CHCHD6: variants seen among roughly 807,000 people sequenced by gnomAD.
CHCHD6 encodes the protein coiled-coil-helix-coiled-coil-helix domain containing 6.
CHCHD6 carries 28 observed loss-of-function variants against 32.3 expected under a neutral mutation model. The observed-to-expected ratio is 0.87, with a 90% CI of 0.64 to 1.19. The LOEUF (loss-of-function observed/expected upper bound fraction) is 1.19, where lower values mean the gene tolerates loss of function less well. Among genes scored for constraint, CHCHD6 ranks in the 50% most tolerant of loss-of-function variants. The probability of loss-of-function intolerance (pLI) is 0.00; values close to 1 mark genes in which losing one functional copy is unlikely to be tolerated. For synonymous variants in CHCHD6, 122 were observed against 117.5 expected, an observed-to-expected ratio of 1.04 and a Z score of -0.25; for missense variants, 333 against 307.0, an observed-to-expected ratio of 1.08 and a Z score of -0.63.
chr3:126,911,147 A>C (rs1329854219), intron 5 of CHCHD6, among the ~76,000 whole-genome samples: 1 of 152,180 alleles, frequency 6.6e-6, no homozygotes, highest in Admixed American at 6.5e-5. Flanking sequence ...CTGTCCTTTC[A>C]GGTGCCCCAC....
intron 4 of CHCHD6, among the ~76,000 whole-genome samples, chr3:126,832,943 A>G (rs936081504): frequency 6.6e-6 from 1 of 152,200 alleles, no homozygotes. Context: ...TTGCCTTCAC[A>G]GTCATCACTT....
At chr3:126,889,774 A>G (rs1156249813) in intron 5 of CHCHD6, among the ~76,000 whole-genome samples, 1 of 152,128 alleles carries the variant, frequency 6.6e-6, no homozygotes, top group Non-Finnish European at 1.5e-5. Flanking sequence ...GAGTGTCAGG[A>G]ATATCATTTA....
rs116718264 is a variant in CHCHD6 at position 126,906,430 on chromosome 3, G to A, written c.496-8250G>A. ...AGTGGCTCCCTACCAACTCTGGAACGGGCTCTGCGGCTTGAGGCCCAACCC... is the reference window on the plus strand; with the variant it reads ...AGTGGCTCCCTACCAACTCTGGAACAGGCTCTGCGGCTTGAGGCCCAACCC... On this transcript the variant is annotated intron_variant, in intron 5 of 7. Transcript: ENST00000290913. 9.8e-3 allele frequency among the ~76,000 whole-genome samples: 1,491 copies of A among 152,316 alleles called. 27 individuals carry two copies. Among genetic ancestry groups the A allele is most frequent in the African/African-American group, 0.034 (1,402 of 41,552 alleles).
At chr3:126,922,498 C>T (rs751916548) in intron 6 of CHCHD6, among the ~76,000 whole-genome samples, 1 of 152,220 alleles carries the variant, frequency 6.6e-6, no homozygotes, top group Non-Finnish European at 1.5e-5. Context: ...TTGCTCTTTT[C>T]TGCTGTACTG....
At position 126,756,807 on chromosome 3, in the gene CHCHD6, A is replaced by G. The variant is rs73201770; in HGVS notation, c.411+23585A>G. 9.3e-3 allele frequency among the ~76,000 whole-genome samples: 1,411 copies of G among 152,346 alleles called. 12 individuals carry two copies. Among genetic ancestry groups the G allele is most frequent in the Middle Eastern group, 0.017 (5 of 294 alleles). ...AGCTCTTACCCTTTAGCACTTGCAT[A>G]CTAGTTGTATGGAATGTAAGGATGG... is the stretch of plus-strand genomic sequence containing the variant. On this transcript the variant is annotated intron_variant, in intron 4 of 7. Coordinates refer to ENST00000290913, the MANE Select transcript of CHCHD6 (RefSeq NM_032343.3).
intron 4 of CHCHD6, among the ~76,000 whole-genome samples, chr3:126,788,552 G>A (rs80095564): frequency 0.057 from 8,712 of 152,166 alleles, 789 homozygotes; most frequent in African/African-American, 0.19. Context: ...GTTTAGTCTT[G>A]GGAGGGCCTA....
At chr3:126,717,590 A>G (rs535078883) in intron 1 of CHCHD6, among the ~76,000 whole-genome samples, 12 of 152,312 alleles carry the variant, frequency 7.9e-5, no homozygotes, top group African/African-American at 2.9e-4. Context: ...CAACAAAGGG[A>G]GGCCTTATCT....
intron 4 of CHCHD6, among the ~76,000 whole-genome samples, chr3:126,829,313 AGCC>A (rs1940536503): frequency 6.6e-6 from 1 of 151,964 alleles, no homozygotes. Flanking sequence ...TTTGATCTCT[AGCC>A]TCCCAATGTG....
chr3:126,824,309 C>T (rs1422674107), intron 4 of CHCHD6, among the ~76,000 whole-genome samples: 2 of 151,656 alleles, frequency 1.3e-5, no homozygotes, highest in Admixed American at 1.3e-4. Flanking sequence ...GGCCTGTAAT[C>T]CCAGTACTTT....
intron 5 of CHCHD6, among the ~76,000 whole-genome samples, chr3:126,883,862 A>G (rs879876717): frequency 6.6e-6 from 1 of 152,196 alleles, no homozygotes; most frequent in African/African-American, 2.4e-5. Context: ...AAAGCCCCCA[A>G]ACATCAGGCT....
chr3:126,764,234 A>T (rs941930026), intron 4 of CHCHD6, among the ~76,000 whole-genome samples: 1 of 142,538 alleles, frequency 7.0e-6, no homozygotes, highest in Non-Finnish European at 1.5e-5. Context: ...TAAATATATG[A>T]AATAATACAA....
intron 4 of CHCHD6, among the ~76,000 whole-genome samples, chr3:126,811,217 T>C (rs1939641213): frequency 6.6e-6 from 1 of 152,208 alleles, no homozygotes; most frequent in Admixed American, 6.5e-5. Flanking sequence ...GCTAACAAAC[T>C]AAGCTATGCA....
At chr3:126,819,341 C>T (rs1040513561) in intron 4 of CHCHD6, among the ~76,000 whole-genome samples, 1 of 152,192 alleles carries the variant, frequency 6.6e-6, no homozygotes, top group East Asian at 1.9e-4. Flanking sequence ...CTTCCTTGCC[C>T]ACTGTCTAAT....
chr3:126,735,406 T>A (rs1315704968), intron 4 of CHCHD6, among the ~76,000 whole-genome samples: 1 of 152,216 alleles, frequency 6.6e-6, no homozygotes, highest in African/African-American at 2.4e-5. Flanking sequence ...GTGACATAAG[T>A]TACTTCCTTC....
intron 4 of CHCHD6, among the ~76,000 whole-genome samples, chr3:126,790,883 G>C (rs1938500144): frequency 6.6e-6 from 1 of 152,192 alleles, no homozygotes; most frequent in Non-Finnish European, 1.5e-5. Flanking sequence ...CTTTCCTTTG[G>C]AGGAGGAGAG....
In CHCHD6 at chr3:126,824,560, C is replaced by CAAAAAAAAAAAA. The variant is rs71150454; in HGVS notation, c.412-28077_412-28066dup. Reference sequence around the variant, plus strand: ...TAGGTGATAGAGCAAGACTCTGTCTCAAAAAAAAAAAAAAAAAAAAAGTCA... The same window carrying CAAAAAAAAAAAA: ...TAGGTGATAGAGCAAGACTCTGTCTCAAAAAAAAAAAAAAAAAAAAAAAAAAAAAAAAAGTCA... On this transcript the variant is annotated intron_variant, in intron 4 of 7. Coordinates refer to ENST00000290913, the MANE Select transcript of CHCHD6 (RefSeq NM_032343.3). Among the ~76,000 whole-genome samples the CAAAAAAAAAAAA allele has an allele frequency of 5.6e-3, 222 of 39,946 alleles. 27 individuals are homozygous for CAAAAAAAAAAAA. Among genetic ancestry groups the CAAAAAAAAAAAA allele is most frequent in the Admixed American group, 5.8e-3 (19 of 3,256 alleles). 26.2% of individuals were successfully genotyped at this position (39,946 alleles called of 152,430 possible).
At chr3:126,751,935 T>C (rs1936742271) in intron 4 of CHCHD6, among the ~76,000 whole-genome samples, 1 of 152,224 alleles carries the variant, frequency 6.6e-6, no homozygotes, top group Admixed American at 6.5e-5. Context: ...TCCAAAGCCT[T>C]GTACCCTGTC....
rs1002114873 is a variant in CHCHD6 at position 126,829,132 on chromosome 3, T to C, written c.412-23515T>C. Among the ~76,000 whole-genome samples the C allele has an allele frequency of 2.8e-4, 42 of 152,188 alleles. 1 individual carries two copies. Among genetic ancestry groups the C allele is most frequent in the Admixed American group, 2.7e-3 (42 of 15,278 alleles). On this transcript the variant is annotated intron_variant, in intron 4 of 7. Coordinates refer to ENST00000290913, the MANE Select transcript of CHCHD6 (RefSeq NM_032343.3). Reference sequence around the variant, plus strand: ...TTTAAAGCTGCCAAATTCCCTCTAATGACCGTTTTTATTGCATACCACAAA... The same window carrying C: ...TTTAAAGCTGCCAAATTCCCTCTAACGACCGTTTTTATTGCATACCACAAA...
chr3:126,902,585 C>T (rs1283664221), intron 5 of CHCHD6, among the ~76,000 whole-genome samples: 1 of 151,838 alleles, frequency 6.6e-6, no homozygotes, highest in Admixed American at 6.6e-5. Context: ...GGCATGGTGG[C>T]GGGCACCTGT....
Sources: allele counts gnomAD v4.1 joint callset (sites outside exome capture counted in the v4.1 genomes callset), GRCh38; gene constraint gnomAD v4.1.1; transcripts MANE v1.5; gene names NCBI Gene and HGNC (gene_info 2026-07-23, HGNC 2026-07-21).